Variants in CCDC78 observed in about 807,000 individuals in gnomAD.
The protein encoded by CCDC78 is coiled-coil domain containing 78.
Under a neutral mutation model 61.9 loss-of-function variants are expected in CCDC78, and 78 were observed. The ratio of observed to expected loss-of-function variants is 1.26; its 90% confidence interval spans 1.05 to 1.52. The LOEUF (loss-of-function observed/expected upper bound fraction) is 1.52, where lower values mean the gene tolerates loss of function less well. CCDC78 is among the 40% of genes most tolerant of loss of function. CCDC78 has a pLI of 0.00. For synonymous variants in CCDC78, 287 were observed against 251.9 expected (o/e 1.14, Z -1.32); for missense variants, 737 against 615.5 (o/e 1.20, Z -2.09).
At position 724,445 on chromosome 16, in the gene CCDC78, G is replaced by A; in HGVS notation, c.830C>T (p.Thr277Ile). Reference sequence around the variant, plus strand: ...GTGCGCTGCCCGGATGTCCTCCAGAGTCGCCTCCAGGAATGTCCGGAGGGC... The same window carrying A: ...GTGCGCTGCCCGGATGTCCTCCAGAATCGCCTCCAGGAATGTCCGGAGGGC... ...TTALRTFLEA[T>I]LEDIRAAHRS... The change falls in exon 9 of 14, where the codon ACT becomes ATT. Residue 277 changes from threonine to isoleucine, a missense_variant. Physicochemically the swap from Thr to Ile is moderately conservative, Grantham distance 89 (BLOSUM62 -1). Transcript: ENST00000345165. The A allele has an allele frequency of 1.2e-6, 2 of 1,605,160 alleles. No individual in the cohort carries two copies. The highest frequency in any genetic ancestry group is 1.7e-6 in the Non-Finnish European group (2 of 1,179,812).
At position 724,177 on chromosome 16, in the gene CCDC78, C is replaced by G; in HGVS notation, c.982G>C (p.Asp328His). Residue 328 changes from aspartate to histidine, a missense_variant, in exon 10 of 14, where the codon GAC becomes CAC. Coordinates refer to ENST00000345165, the MANE Select transcript of CCDC78 (RefSeq NM_001378030.1). ...GGTTCCAGGTCCAAGCTGGCTATGT[C>G]AAAAATAGCTTGGGGGTTCCCAGGT... ...RAPGNPQAIF[D>H]IASLDLEPLP... is the part of the protein sequence containing the mutation. The G allele has an allele frequency of 6.2e-7, 1 of 1,603,458 alleles. No individual in the cohort carries two copies. The highest frequency in any genetic ancestry group is 1.3e-5 in the African/African-American group (1 of 74,766).
Position 723,013 on chromosome 16 carries a change from C to T in CCDC78, c.1210G>A (p.Glu404Lys), listed in dbSNP as rs752371476. Residue 404 changes from glutamate to lysine, a missense_variant, in exon 13 of 14, where the codon GAA becomes AAA. Glu to Lys is a moderately conservative substitution (Grantham distance 56, BLOSUM62 1). Transcript: ENST00000345165. ...DFSRSTQAEL[E>K]RERAQLLVRA... Reference sequence around the variant, plus strand: ...ACCAGCAGCTGTGCCCGCTCCCGTTCCAGCTCTGCCTGGCATGGGGATGTA... The same window carrying T: ...ACCAGCAGCTGTGCCCGCTCCCGTTTCAGCTCTGCCTGGCATGGGGATGTA... The T allele has an allele frequency of 1.2e-6, 2 of 1,612,570 alleles. No individual in the cohort carries two copies. Among genetic ancestry groups the T allele is most frequent in the Non-Finnish European group, 1.7e-6 (2 of 1,179,998 alleles).
chr16:726,386 C>G lies in CCDC78; in HGVS notation c.-19G>C. On this transcript the variant is annotated 5_prime_UTR_variant, in exon 1 of 14. Coordinates refer to ENST00000345165, the MANE Select transcript of CCDC78 (RefSeq NM_001378030.1). ...GCTCCATAGGCTAGGGAACCCTGGC[C>G]AGCTCCGAGCCCGGTGCTGCCTCCA... 1 of 1,518,698 alleles carries G rather than the reference C, an allele frequency of 6.6e-7. No homozygotes were observed. The highest frequency in any genetic ancestry group is 8.8e-7 in the Non-Finnish European group (1 of 1,140,902). The allele number at this position is 1,518,698 out of a possible 1,614,324, so 94.1% of individuals were successfully genotyped here. A position where few individuals can be genotyped will look rare whatever the true frequency, so the allele number is the denominator to read the frequency against.
Position 724,221 on chromosome 16 carries a change from AGTGTCT to A in CCDC78, c.954-22_954-17del. 3 of 1,587,894 alleles carry A rather than the reference AGTGTCT, an allele frequency of 1.9e-6. No individual in the cohort carries two copies. Among genetic ancestry groups the A allele is most frequent in the Non-Finnish European group, 2.6e-6 (3 of 1,165,672 alleles). ...CCCAGGTGCCCTGTCAGGGTAGGCTAGTGTCTGTCTGGGGCCACTCCTGCTGCACAC... is the reference window on the plus strand; with the variant it reads ...CCCAGGTGCCCTGTCAGGGTAGGCTAGTCTGGGGCCACTCCTGCTGCACAC... On this transcript the variant is annotated splice_polypyrimidine_tract_variant and intron_variant, in intron 9 of 13. Transcript: ENST00000345165.
chr16:725,797 ACT>A lies in CCDC78; in HGVS notation c.262_263del (p.Ser88Ter). The A allele has an allele frequency of 6.2e-7, 1 of 1,605,424 alleles. No homozygotes were observed. The highest frequency in any genetic ancestry group is 8.5e-7 in the Non-Finnish European group (1 of 1,176,002). On this transcript the variant is annotated frameshift_variant, in exon 3 of 14. Coordinates refer to ENST00000345165, the MANE Select transcript of CCDC78 (RefSeq NM_001378030.1). LOFTEE classifies it high-confidence loss of function. ...GCTGGTTCACACGGCTGCTCACCTCACTCTTCAGCTGGAAGATTTCAGCCTCA... is the reference window on the plus strand; with the variant it reads ...GCTGGTTCACACGGCTGCTCACCTCACTTCAGCTGGAAGATTTCAGCCTCA... ...QHEAEIFQLK[S>X]EILRLESRVL...
intron 11 of CCDC78, 178 bp downstream of exon 11, chr16:723,679 T>G: frequency 1.4e-6 from 1 of 706,560 alleles, no homozygotes; most frequent in Non-Finnish European, 2.6e-6. Context: ...CCTGTGATTA[T>G]CAGTGTCGCC....
chr16:722,741 G>A lies in CCDC78; in HGVS notation c.1350C>T (p.Asp450=), dbSNP rs2040318141. The change falls in exon 14 of 14, where the codon GAC becomes GAT. Residue 450 remains aspartate (D), a synonymous_variant. Coordinates refer to ENST00000345165, the MANE Select transcript of CCDC78 (RefSeq NM_001378030.1). The part of the protein sequence containing the change: ...LRLRKLAGAG[D]PWKVGAVPPA... ...GAGGCACAGCCCCCACTTTCCAGGG[G>A]TCCCCTGCACCTGCCAGCTTCCTCA... The A allele has an allele frequency of 1.2e-6, 2 of 1,611,792 alleles. No homozygotes were observed. Among genetic ancestry groups the A allele is most frequent in the Non-Finnish European group, 1.7e-6 (2 of 1,179,974 alleles).
Position 723,117 on chromosome 16 carries a change from C to A in CCDC78, c.1178G>T (p.Arg393Leu). The A allele has an allele frequency of 6.2e-7, 1 of 1,612,708 alleles. No homozygotes were observed. Among genetic ancestry groups the A allele is most frequent in the Non-Finnish European group, 8.5e-7 (1 of 1,180,004 alleles). The change falls in exon 12 of 14, where the codon CGG becomes CTG. Residue 393 changes from arginine to leucine, a missense_variant. Physicochemically the swap from Arg to Leu is moderately radical, Grantham distance 102 (BLOSUM62 -2). Coordinates refer to ENST00000345165, the MANE Select transcript of CCDC78 (RefSeq NM_001378030.1). ...TACCTGGGTGCTGCGGGAGAAGTCC[C>A]GGAGCTTCTGGTGGATCTGGGCCCA... ...ASWAQIHQKL[R>L]DFSRSTQAEL...
Position 724,672 on chromosome 16 carries a change from A to T in CCDC78, c.765+9T>A. On this transcript the variant is annotated intron_variant, in intron 8 of 13. Transcript: ENST00000345165. Reference sequence around the variant, plus strand: ...TCCCTAGGCCTCAGGGTGCTCCTGCAGGGCTCACCACTGCCTGCCAGGCGC... The same window carrying T: ...TCCCTAGGCCTCAGGGTGCTCCTGCTGGGCTCACCACTGCCTGCCAGGCGC... The T allele has an allele frequency of 6.2e-7, 1 of 1,608,530 alleles. No individual in the cohort carries two copies. The highest frequency in any genetic ancestry group is 8.5e-7 in the Non-Finnish European group (1 of 1,179,418).
chr16:723,222 A>T (rs1453028597), intron 11 of CCDC78, 61 bp from the exon 12 acceptor site: 3 of 1,562,184 alleles, frequency 1.9e-6, no homozygotes, highest in Non-Finnish European at 1.8e-6. Flanking sequence ...ACAGGGACAG[A>T]CGTGACCGTG....
chr16:723,313 G>GC lies in CCDC78; in HGVS notation c.1134-153dup, dbSNP rs548208034. On this transcript the variant is annotated intron_variant, in intron 11 of 13. Coordinates refer to ENST00000345165, the MANE Select transcript of CCDC78 (RefSeq NM_001378030.1). Reference sequence around the variant, plus strand: ...TGGGCCCCCCCCGTGCTCCTGTGGCGCCCCCCCCAGGCCTTGGAGCCATCC... The same window carrying GC: ...TGGGCCCCCCCCGTGCTCCTGTGGCGCCCCCCCCCAGGCCTTGGAGCCATCC... The GC allele has an allele frequency of 0.5, 398,701 of 803,502 alleles. 107,293 individuals carry two copies. The highest frequency in any genetic ancestry group is 0.8 in the East Asian group (29,528 of 36,884). The allele number at this position is 803,502 out of a possible 1,614,324, so 49.8% of individuals were successfully genotyped here.
intron 11 of CCDC78, 68 bp from the exon 12 acceptor site, chr16:723,229 C>T (rs764458557): frequency 3.4e-5 from 52 of 1,538,582 alleles, no homozygotes; most frequent in Admixed American, 3.2e-4. Context: ...CAGACGTGAC[C>T]GTGCTGAGTC....
intron 11 of CCDC78, 173 bp downstream of exon 11, chr16:723,684 G>A: frequency 1.4e-6 from 1 of 709,036 alleles, no homozygotes; most frequent in Non-Finnish European, 2.6e-6. Flanking sequence ...GATTATCAGT[G>A]TCGCCGGGAC....
Position 723,913 on chromosome 16 carries a change from G to C in CCDC78, c.1077C>G (p.Leu359=), listed in dbSNP as rs764612572. 4 of 1,601,438 alleles carry C rather than the reference G, an allele frequency of 2.5e-6. No homozygotes were observed. The highest frequency in any genetic ancestry group is 2.2e-5 in the East Asian group (1 of 44,484). Residue 359 remains leucine (L), a synonymous_variant, in exon 11 of 14, where the codon CTC becomes CTG. Coordinates refer to ENST00000345165, the MANE Select transcript of CCDC78 (RefSeq NM_001378030.1). ...CACCGGGTCTCTTTTTTGGGGATGA[G>C]AGCAGTGCCCCAGGCCCGCCGTGCT... ...EDQHGGPGAL[L]SSPKKRPGGA...
intron 8 of CCDC78, 51 bp downstream of exon 8, chr16:724,630 C>T (rs1172224119): frequency 2.5e-6 from 4 of 1,590,328 alleles, no homozygotes; most frequent in Non-Finnish European, 3.4e-6. Flanking sequence ...TCCAGCACAC[C>T]CAGGCCAGGC....
rs1163699017 is a variant in CCDC78, at chr16:725,134, T to C, written c.504A>G (p.Glu168=). 1 of 1,612,646 alleles carries C rather than the reference T, an allele frequency of 6.2e-7. No homozygotes were observed. The highest frequency in any genetic ancestry group is 1.3e-5 in the African/African-American group (1 of 74,942). The change falls in exon 6 of 14, where the codon GAA becomes GAG. Residue 168 remains glutamate (E), a synonymous_variant. Coordinates refer to ENST00000345165, the MANE Select transcript of CCDC78 (RefSeq NM_001378030.1). ...QHRLGSGLQG[E]VKWALEHQEA... ...CCTGATGCTCCAGCGCCCACTTCAC[T>C]TCCCCCTGCAGCTGTGGGGCACACA...
At position 723,367 on chromosome 16, in the gene CCDC78, G is replaced by T. The variant is rs55787204; in HGVS notation, c.1134-206C>A. ...TATAGGGACAGCCCGGGCCCAGGGG[G>T]TCTGCTGGCTGCTGGGGGAGGGCTA... On this transcript the variant is annotated intron_variant, in intron 11 of 13. Coordinates refer to ENST00000345165, the MANE Select transcript of CCDC78 (RefSeq NM_001378030.1). 0.24 allele frequency: 169,491 copies of T among 712,658 alleles called. 22,223 individuals carry two copies. The highest frequency in any genetic ancestry group is 0.32 in the South Asian group (21,410 of 66,944). 44.1% of individuals were successfully genotyped at this position (712,658 alleles called of 1,614,324 possible). A position where few individuals can be genotyped will look rare whatever the true frequency, so the allele number is the denominator to read the frequency against.
intron 1 of CCDC78, 56 bp from the exon 2 acceptor site, chr16:726,141 C>A (rs951876219): frequency 6.5e-7 from 1 of 1,549,936 alleles, no homozygotes; most frequent in African/African-American, 1.4e-5. Flanking sequence ...GCTGTGGCCC[C>A]ACTCCCATGC....
upstream of CCDC78, chr16:726,488 A>C: frequency 7.8e-7 from 1 of 1,274,784 alleles, no homozygotes; most frequent in Non-Finnish European, 1.1e-6. Context: ...GTCCCAGGTG[A>C]CTCCCAGGGC....
Sources: gnomAD v4.1 joint callset for allele counts on GRCh38, gnomAD v4.1.1 for gene constraint, MANE v1.5 for transcripts, NCBI Gene and HGNC (gene_info 2026-07-23, HGNC 2026-07-21) for gene names.